Variants in HSF2 observed in about 807,000 individuals in gnomAD.
HSF2 encodes the protein heat shock factor protein 2.
In HSF2, 21 loss-of-function variants were observed where a neutral mutation model predicts 65.0. That is an observed-to-expected ratio of 0.32 (90% CI 0.23 to 0.47). HSF2 has a LOEUF of 0.47. Ranked by LOEUF, HSF2 falls within the 20% of genes least tolerant of loss-of-function variation. The pLI, the probability that HSF2 is intolerant of heterozygous loss-of-function variation, is 1.00. For synonymous variants in HSF2, 225 were observed against 219.1 expected, an observed-to-expected ratio of 1.03 and a Z score of -0.24; for missense variants, 499 against 628.1, an observed-to-expected ratio of 0.79 and a Z score of 2.20.
chr6:122,424,099 C>T (rs1051298592), intron 10 of HSF2, among the ~76,000 whole-genome samples: 1 of 152,056 alleles, frequency 6.6e-6, no homozygotes, highest in Admixed American at 6.6e-5. Context: ...ATTTTTTACT[C>T]AAATATGTTT....
intron 10 of HSF2, among the ~76,000 whole-genome samples, chr6:122,424,667 A>G (rs559154123): frequency 2.4e-4 from 37 of 152,186 alleles, no homozygotes; most frequent in African/African-American, 6.7e-4. Context: ...TTTCTATCTT[A>G]TGAATACATG....
chr6:122,423,475 G>A (rs763822557), intron 9 of HSF2, 106 bp from the exon 10 acceptor site: 2 of 530,536 alleles, frequency 3.8e-6, no homozygotes, highest in Admixed American at 3.2e-5. Context: ...CGGTAAGGAT[G>A]CAGCAGCTGC....
intron 10 of HSF2, among the ~76,000 whole-genome samples, chr6:122,425,213 GAA>G (rs1774314050): frequency 6.6e-6 from 1 of 151,932 alleles, no homozygotes; most frequent in African/African-American, 2.4e-5. Flanking sequence ...CAAAACTTTA[GAA>G]ACGAGTGGCT....
intron 11 of HSF2, 32 bp downstream of exon 11, chr6:122,427,988 T>A: frequency 6.8e-7 from 1 of 1,467,490 alleles, no homozygotes; most frequent in Non-Finnish European, 9.4e-7. Context: ...TCAGGACCCA[T>A]AGCTATAAAA....
rs577832305 is a variant in HSF2 at position 122,428,937 on chromosome 6, T to C, written c.1230+981T>C. ...ATTTATATTGGAGGTTGGCATACTT[T>C]CTCCATAAAGGGGCAGCTAGTAAAT... is the stretch of plus-strand genomic sequence containing the variant. On this transcript the variant is annotated intron_variant, in intron 11 of 12. Transcript: ENST00000368455. Among the ~76,000 whole-genome samples the C allele has an allele frequency of 6.6e-5, 10 of 152,194 alleles. No individual in the cohort carries two copies. The East Asian group carries it at 1.7e-3, about 26-fold the overall frequency.
intron 7 of HSF2, among the ~76,000 whole-genome samples, chr6:122,421,872 A>G (rs1036404134): frequency 1.3e-5 from 2 of 152,132 alleles, no homozygotes; most frequent in Non-Finnish European, 2.9e-5. Flanking sequence ...AAATTTGAAG[A>G]TCTTTCCATA....
intron 7 of HSF2, 61 bp from the exon 8 acceptor site, chr6:122,422,089 T>C (rs1774247731): frequency 7.7e-6 from 9 of 1,172,982 alleles, no homozygotes; most frequent in Admixed American, 2.1e-5. Flanking sequence ...TTGTAGATGA[T>C]ATCTTGTTTG....
intron 1 of HSF2, among the ~76,000 whole-genome samples, chr6:122,403,868 T>C (rs557632523): frequency 6.6e-6 from 1 of 152,296 alleles, no homozygotes; most frequent in East Asian, 1.9e-4. Context: ...TGGAAGCAAC[T>C]GGTGAAACTT....
At chr6:122,417,351 G>A (rs1774148917) in intron 5 of HSF2, among the ~76,000 whole-genome samples, 1 of 152,066 alleles carries the variant, frequency 6.6e-6, no homozygotes, top group South Asian at 2.1e-4. Context: ...TTCAGAAACA[G>A]TGTTTTGGTA....
Position 122,400,063 on chromosome 6 carries a change from G to T in HSF2, c.93+233G>T, listed in dbSNP as rs571461252. On this transcript the variant is annotated intron_variant, in intron 1 of 12. Transcript: ENST00000368455. Reference sequence around the variant, plus strand: ...GGCCGCGGTGGGGGAGGGGCGGCCCGCGCGGGGCGTAGCGGCCCAGGCAGC... The same window carrying T: ...GGCCGCGGTGGGGGAGGGGCGGCCCTCGCGGGGCGTAGCGGCCCAGGCAGC... Among the ~76,000 whole-genome samples the T allele has an allele frequency of 4.6e-5, 7 of 152,208 alleles. No homozygotes were observed. The East Asian group carries it at 1.2e-3, about 25-fold the overall frequency.
At chr6:122,424,830 C>A (rs935800057) in intron 10 of HSF2, among the ~76,000 whole-genome samples, 1 of 152,034 alleles carries the variant, frequency 6.6e-6, no homozygotes, top group African/African-American at 2.4e-5. Context: ...AAATAAAATT[C>A]TATAATTCTG....
chr6:122,411,555 C>T (rs1209307441), intron 1 of HSF2, among the ~76,000 whole-genome samples: 1 of 151,816 alleles, frequency 6.6e-6, no homozygotes, highest in Non-Finnish European at 1.5e-5. Flanking sequence ...TTAAAAGTTT[C>T]TTTAGCTCTT....
intron 5 of HSF2, among the ~76,000 whole-genome samples, chr6:122,417,410 A>G (rs1582614397): frequency 6.7e-6 from 1 of 149,032 alleles, no homozygotes. Context: ...TTTTTTCCTG[A>G]AAGCAAGAAT....
chr6:122,400,354 C>G (rs1254169397), intron 1 of HSF2, among the ~76,000 whole-genome samples: 1 of 152,126 alleles, frequency 6.6e-6, no homozygotes, highest in Non-Finnish European at 1.5e-5. Context: ...GGAGAGCAGT[C>G]AGGGCAATAG....
At chr6:122,416,029 A>G (rs901956384) in intron 4 of HSF2, among the ~76,000 whole-genome samples, 192 bp from the exon 5 acceptor site, 1 of 152,168 alleles carries the variant, frequency 6.6e-6, no homozygotes, top group African/African-American at 2.4e-5. Context: ...TTTTAAAAAA[A>G]GAATGATTCA....
chr6:122,399,664 C>A lies in HSF2; in HGVS notation c.-74C>A. ...CTGCGTTGTGGGCGTTCTCGGGGAG[C>A]TGCTGCCGTAGCTGCCGCCGCCGCT... On this transcript the variant is annotated 5_prime_UTR_variant, in exon 1 of 13. In the 5' UTR this introduces an upstream ATG that the reference lacks. Coordinates refer to ENST00000368455, the MANE Select transcript of HSF2 (RefSeq NM_004506.4). The A allele has an allele frequency of 3.2e-6, 4 of 1,255,678 alleles. No homozygotes were observed. The highest frequency in any genetic ancestry group is 4.6e-6 in the Non-Finnish European group (4 of 870,520). 77.8% of individuals were successfully genotyped at this position (1,255,678 alleles called of 1,614,324 possible). A position where few individuals can be genotyped will look rare whatever the true frequency, so the allele number is the denominator to read the frequency against.
chr6:122,431,899 A>G (rs762462599), intron 12 of HSF2, 26 bp from the exon 13 acceptor site: 10 of 1,593,442 alleles, frequency 6.3e-6, no homozygotes, highest in Non-Finnish European at 8.5e-7. Context: ...GCTGGTGATA[A>G]AAGAGTGTTT....
intron 5 of HSF2, among the ~76,000 whole-genome samples, 163 bp downstream of exon 5, chr6:122,416,459 C>A (rs1254602344): frequency 6.6e-6 from 1 of 152,310 alleles, no homozygotes; most frequent in Admixed American, 6.5e-5. Context: ...CCAAGTGTTA[C>A]ACATTTTTAA....
chr6:122,424,114 A>G (rs748270114), intron 10 of HSF2, among the ~76,000 whole-genome samples: 1 of 152,040 alleles, frequency 6.6e-6, no homozygotes, highest in Non-Finnish European at 1.5e-5. Flanking sequence ...ATGTTTTAAT[A>G]TATTTGCCTT....
Sources: allele counts gnomAD v4.1 joint callset (sites outside exome capture counted in the v4.1 genomes callset), GRCh38; gene constraint gnomAD v4.1.1; transcripts MANE v1.5; gene names NCBI Gene and HGNC (gene_info 2026-07-23, HGNC 2026-07-21).